SLC35F1: variants seen among roughly 807,000 people sequenced by gnomAD.
SLC35F1 encodes chromosome 6 open reading frame 169.
A neutral mutation model predicts 48.7 loss-of-function variants in SLC35F1; 14 were observed. The observed-to-expected ratio is 0.29, with a 90% CI of 0.19 to 0.45. SLC35F1 has a LOEUF of 0.45. Among genes scored for constraint, SLC35F1 ranks in the 20% least tolerant of loss-of-function variants. SLC35F1 has a pLI of 1.00. For synonymous variants in SLC35F1, 190 were observed against 202.2 expected (o/e 0.94, Z 0.51); for missense variants, 404 against 500.0 (o/e 0.81, Z 1.83).
At chr6:118,099,012 G>A (rs193300345) in intron 1 of SLC35F1, among the ~76,000 whole-genome samples, 4 of 152,262 alleles carry the variant, frequency 2.6e-5, no homozygotes, top group South Asian at 2.1e-4. Flanking sequence ...TGGATGGGCC[G>A]TAGATCCAAG....
In SLC35F1 at chr6:118,209,640, T is replaced by G. The variant is rs184221520; in HGVS notation, c.350-25869T>G. On this transcript the variant is annotated intron_variant, in intron 2 of 7. Coordinates refer to ENST00000360388, the MANE Select transcript of SLC35F1 (RefSeq NM_001029858.4). Reference sequence around the variant, plus strand: ...CTATTAAGGATTATAGAATAGTATTTCATTTTAATATTATATTAAAGATTA... The same window carrying G: ...CTATTAAGGATTATAGAATAGTATTGCATTTTAATATTATATTAAAGATTA... Among the ~76,000 whole-genome samples, 693 of 152,212 alleles carry G rather than the reference T, an allele frequency of 4.6e-3. 2 individuals are homozygous for G. Among genetic ancestry groups the G allele is most frequent in the Non-Finnish European group, 6.4e-3 (437 of 67,998 alleles).
rs1212106322 is a variant in SLC35F1 at position 118,317,660 on chromosome 6, T to G, written c.*3408T>G. 6.6e-6 allele frequency: 1 copy of G among 152,230 alleles called. No homozygotes were observed. The highest frequency in any genetic ancestry group is 2.4e-5 in the African/African-American group (1 of 41,460). The allele number at this position is 152,230 out of a possible 1,614,324, so 9.4% of individuals were successfully genotyped here. ...AATGTTTTCAAATAAAAATAAATGC[T>G]TTATGAAAGCACCGAATTCTTGGTT... On this transcript the variant is annotated 3_prime_UTR_variant, in exon 8 of 8. Transcript: ENST00000360388.
At chr6:118,240,896 G>A (rs1320358240) in intron 3 of SLC35F1, among the ~76,000 whole-genome samples, 4 of 152,162 alleles carry the variant, frequency 2.6e-5, no homozygotes, top group African/African-American at 9.7e-5. Context: ...AAAGAGGCAG[G>A]GATCAGCCCC....
intron 1 of SLC35F1, among the ~76,000 whole-genome samples, chr6:117,958,497 T>A (rs142406145): frequency 1.3e-5 from 2 of 152,332 alleles, no homozygotes; most frequent in African/African-American, 4.8e-5. Context: ...AGGTTCCCTG[T>A]ACAAATGTAC....
chr6:118,316,917 A>G lies in SLC35F1; in HGVS notation c.*2665A>G, dbSNP rs181190089. ...AGGAGTTCCAGACTGACCCTCCAGG[A>G]AAAAAAAAATCGCAAAGAACAAATT... On this transcript the variant is annotated 3_prime_UTR_variant, in exon 8 of 8. Coordinates refer to ENST00000360388, the MANE Select transcript of SLC35F1 (RefSeq NM_001029858.4). The G allele has an allele frequency of 1.4e-5, 2 of 141,976 alleles. No individual in the cohort carries two copies. Among genetic ancestry groups the G allele is most frequent in the East Asian group, 2.0e-4 (1 of 5,076 alleles). The allele number at this position is 141,976 out of a possible 1,614,324, so 8.8% of individuals were successfully genotyped here. A position where few individuals can be genotyped will look rare whatever the true frequency, so the allele number is the denominator to read the frequency against.
intron 1 of SLC35F1, among the ~76,000 whole-genome samples, chr6:118,090,909 G>A (rs191998484): frequency 1.4e-4 from 21 of 152,300 alleles, no homozygotes; most frequent in African/African-American, 5.1e-4. Flanking sequence ...AAGATGGTGG[G>A]CTTGGACCAG....
intron 1 of SLC35F1, among the ~76,000 whole-genome samples, chr6:117,925,086 C>T (rs1776011420): frequency 6.6e-6 from 1 of 152,156 alleles, no homozygotes; most frequent in South Asian, 2.1e-4. Context: ...TGTGTTATCT[C>T]CCTTCTATCA....
intron 1 of SLC35F1, among the ~76,000 whole-genome samples, chr6:117,997,565 C>T (rs1450273263): frequency 1.3e-5 from 2 of 152,214 alleles, no homozygotes; most frequent in African/African-American, 4.8e-5. Context: ...ATCAGACTAA[C>T]AGTGGATCTC....
intron 7 of SLC35F1, among the ~76,000 whole-genome samples, chr6:118,306,598 T>G (rs958828783): frequency 6.6e-6 from 1 of 152,194 alleles, no homozygotes; most frequent in East Asian, 1.9e-4. Context: ...TTTTGACTAC[T>G]GATAATAAGA....
intron 1 of SLC35F1, among the ~76,000 whole-genome samples, chr6:118,149,207 A>G (rs1160991686): frequency 6.6e-6 from 1 of 152,208 alleles, no homozygotes; most frequent in African/African-American, 2.4e-5. Context: ...GGGAGTGGCT[A>G]AACAGAGGGT....
At chr6:117,913,578 T>C (rs1775789495) in intron 1 of SLC35F1, among the ~76,000 whole-genome samples, 1 of 152,220 alleles carries the variant, frequency 6.6e-6, no homozygotes, top group Non-Finnish European at 1.5e-5. Flanking sequence ...TTTGGAATTA[T>C]ACAGGGAATC....
intron 2 of SLC35F1, among the ~76,000 whole-genome samples, chr6:118,215,487 A>G (rs1010122976): frequency 1.3e-4 from 19 of 151,870 alleles, no homozygotes; most frequent in African/African-American, 3.4e-4. Context: ...ATGGTGGGCC[A>G]TGAAGGTAGA....
At chr6:118,138,521 A>T (rs981618077) in intron 1 of SLC35F1, among the ~76,000 whole-genome samples, 2 of 152,176 alleles carry the variant, frequency 1.3e-5, no homozygotes, top group Non-Finnish European at 2.9e-5. Context: ...AAGGCACTAT[A>T]TCAGCAACCG....
chr6:117,982,427 G>A (rs1020429833), intron 1 of SLC35F1, among the ~76,000 whole-genome samples: 8 of 152,206 alleles, frequency 5.3e-5, no homozygotes, highest in African/African-American at 1.9e-4. Context: ...TTAGAGAACA[G>A]CAGGTTCTTT....
intron 2 of SLC35F1, among the ~76,000 whole-genome samples, chr6:118,162,666 A>G (rs79974255): frequency 0.02 from 3,003 of 152,224 alleles, 113 homozygotes; most frequent in African/African-American, 0.069. Context: ...TCGCTTAGAG[A>G]TATTAGGACA....
chr6:118,089,926 A>T (rs893934885), intron 1 of SLC35F1, among the ~76,000 whole-genome samples: 1 of 152,222 alleles, frequency 6.6e-6, no homozygotes. Flanking sequence ...GAAAAGCTAT[A>T]ATGGTCCCAT....
At chr6:118,178,706 G>T (rs1387568421) in intron 2 of SLC35F1, among the ~76,000 whole-genome samples, 1 of 151,938 alleles carries the variant, frequency 6.6e-6, no homozygotes, top group Non-Finnish European at 1.5e-5. Flanking sequence ...AACCCAGACA[G>T]CCAGATGAAA....
rs752420336 is a variant in SLC35F1, at chr6:117,907,721, G to A, written c.-6G>A. 1.3e-6 allele frequency: 2 copies of A among 1,515,212 alleles called. No homozygotes were observed. Among genetic ancestry groups the A allele is most frequent in the South Asian group, 2.3e-5 (2 of 85,284 alleles). The allele number at this position is 1,515,212 out of a possible 1,614,324, so 93.9% of individuals were successfully genotyped here. On this transcript the variant is annotated 5_prime_UTR_variant, in exon 1 of 8. Coordinates refer to ENST00000360388, the MANE Select transcript of SLC35F1 (RefSeq NM_001029858.4). ...TGATCGCCGCCGCGCCTCAGCCTCT[G>A]CCGCGATGATCCCCCCTGAGCAGCC...
intron 1 of SLC35F1, among the ~76,000 whole-genome samples, chr6:117,984,101 G>A (rs1776817453): frequency 6.6e-6 from 1 of 152,060 alleles, no homozygotes. Flanking sequence ...ATATTTGATA[G>A]TAACACAACT....
Sources: gnomAD v4.1 joint callset for allele counts (sites outside exome capture counted in the v4.1 genomes callset) on GRCh38, gnomAD v4.1.1 for gene constraint, MANE v1.5 for transcripts, NCBI Gene and HGNC (gene_info 2026-07-23, HGNC 2026-07-21) for gene names.